PAK3: variants seen among roughly 807,000 people sequenced by gnomAD.
PAK3 encodes the protein serine/threonine-protein kinase PAK 3.
Under a neutral mutation model 41.0 loss-of-function variants are expected in PAK3, and 4 were observed. The observed-to-expected ratio is 0.10, with a 90% CI of 0.05 to 0.22. The LOEUF (loss-of-function observed/expected upper bound fraction) is 0.22. Ranked by LOEUF, PAK3 falls within the 10% of genes least tolerant of loss-of-function variation. The pLI, the probability that PAK3 is intolerant of heterozygous loss-of-function variation, is 1.00. For synonymous variants in PAK3, 146 were observed against 139.6 expected, an observed-to-expected ratio of 1.05 and a Z score of -0.32; for missense variants, 205 against 409.9, an observed-to-expected ratio of 0.50 and a Z score of 4.32.
intron 8 of PAK3, among the ~76,000 whole-genome samples, chrX:111,157,996 A>G (rs2094128684): frequency 8.9e-6 from 1 of 111,865 alleles, no homozygotes; most frequent in African/African-American, 3.2e-5. Context: ...CATTGACTCC[A>G]AAAATGATCA....
chrX:111,202,623 T>C (rs16986428), intron 16 of PAK3, among the ~76,000 whole-genome samples: 15,099 of 111,715 alleles, frequency 0.14, 2,437 homozygotes, highest in African/African-American at 0.45. Context: ...TTATAATAAC[T>C]TGATGCTAAG....
At chrX:110,959,891 A>T (rs7889687) in intron 1 of PAK3, among the ~76,000 whole-genome samples, 3,120 of 111,984 alleles carry the variant, frequency 0.028, 101 homozygotes, top group African/African-American at 0.096. Context: ...TGTTTTTTTT[A>T]AAAAATAAAT....
chrX:110,995,717 C>T (rs953713913), intron 1 of PAK3, among the ~76,000 whole-genome samples: 1 of 111,173 alleles, frequency 9.0e-6, no homozygotes, highest in Non-Finnish European at 1.9e-5. Flanking sequence ...CCTAGAAGAC[C>T]CTGAATAATC....
intron 4 of PAK3, among the ~76,000 whole-genome samples, chrX:111,105,503 A>G (rs906320410): frequency 2.7e-5 from 3 of 110,560 alleles, no homozygotes; most frequent in African/African-American, 1.0e-4. Context: ...TCTTCCTCAC[A>G]GTCACAAACT....
intron 1 of PAK3, among the ~76,000 whole-genome samples, chrX:110,978,749 TTCTC>T (rs1026155474): frequency 1.8e-5 from 2 of 108,281 alleles, no homozygotes; most frequent in Non-Finnish European, 3.8e-5. Flanking sequence ...TCTTCTTTCC[TTCTC>T]TCTCTCTCTC....
chrX:111,177,627 C>T (rs547780428), intron 11 of PAK3, among the ~76,000 whole-genome samples: 6 of 111,911 alleles, frequency 5.4e-5, no homozygotes, highest in African/African-American at 1.6e-4. Flanking sequence ...ATATCCGGTG[C>T]GCACTTGAGA....
intron 11 of PAK3, among the ~76,000 whole-genome samples, chrX:111,187,301 G>C (rs1398430382): frequency 8.9e-6 from 1 of 111,742 alleles, no homozygotes; most frequent in Non-Finnish European, 1.9e-5. Context: ...GATACTTACA[G>C]AGCTTCCTTA....
intron 11 of PAK3, among the ~76,000 whole-genome samples, chrX:111,189,653 A>T (rs1192350372): frequency 9.0e-6 from 1 of 110,920 alleles, no homozygotes; most frequent in Non-Finnish European, 1.9e-5. Context: ...TGTGGTTTTG[A>T]TTTGCATTTC....
intron 1 of PAK3, among the ~76,000 whole-genome samples, chrX:110,965,590 T>C (rs1260085614): frequency 8.9e-6 from 1 of 112,428 alleles, no homozygotes; most frequent in Non-Finnish European, 1.9e-5. Flanking sequence ...GGCAGCCTGA[T>C]ACAGATCTTA....
intron 8 of PAK3, among the ~76,000 whole-genome samples, chrX:111,153,903 T>C (rs1256020521): frequency 8.9e-6 from 1 of 111,774 alleles, no homozygotes; most frequent in Non-Finnish European, 1.9e-5. Context: ...CAAGTGTCCA[T>C]CAACAGATGA....
intron 5 of PAK3, among the ~76,000 whole-genome samples, chrX:111,132,795 T>C (rs1239481660): frequency 1.8e-5 from 2 of 111,849 alleles, no homozygotes; most frequent in Non-Finnish European, 3.8e-5. Context: ...CTACTTTTTA[T>C]GTGCCTAGCT....
At chrX:111,210,433 T>C (rs1044999736) in intron 16 of PAK3, among the ~76,000 whole-genome samples, 1 of 111,436 alleles carries the variant, frequency 9.0e-6, no homozygotes, top group Non-Finnish European at 1.9e-5. Flanking sequence ...TACAGCTCTC[T>C]TCCTTCTCCC....
intron 5 of PAK3, among the ~76,000 whole-genome samples, chrX:111,124,341 T>C (rs913289090): frequency 9.8e-5 from 11 of 112,158 alleles, no homozygotes; most frequent in African/African-American, 3.6e-4. Flanking sequence ...TTTGTGACTA[T>C]GCAAGAGGAA....
chrX:111,014,683 C>G (rs1186065579), intron 1 of PAK3, among the ~76,000 whole-genome samples: 2 of 111,727 alleles, frequency 1.8e-5, no homozygotes, highest in Non-Finnish European at 3.8e-5. Context: ...ACATTCTTTA[C>G]CTTTGCACTG....
chrX:111,148,097 A>T (rs1379525665), intron 7 of PAK3, among the ~76,000 whole-genome samples: 1 of 111,935 alleles, frequency 8.9e-6, no homozygotes. Flanking sequence ...AAAATAAGGT[A>T]ATTATTTAGT....
At chrX:111,192,733 C>A in intron 13 of PAK3, 115 bp downstream of exon 13, 1 of 497,398 alleles carries the variant, frequency 2.0e-6, no homozygotes, top group Non-Finnish European at 3.6e-6. Context: ...TTCTCAAATG[C>A]TACAGTGTAG....
rs185904565 is a variant in PAK3, at chrX:111,181,482, C to G, written c.830+8401C>G. On this transcript the variant is annotated intron_variant, in intron 11 of 17. Coordinates refer to ENST00000372007, the MANE Select transcript of PAK3 (RefSeq NM_002578.5). Reference sequence around the variant, plus strand: ...ATGCGTAATCAAGCCCTCAGTCCCCCCCGTCTCTCTAAATTAGTTTTAGTT... The same window carrying G: ...ATGCGTAATCAAGCCCTCAGTCCCCGCCGTCTCTCTAAATTAGTTTTAGTT... 3.4e-3 allele frequency among the ~76,000 whole-genome samples: 381 copies of G among 111,048 alleles called. 2 individuals carry two copies. The highest frequency in any genetic ancestry group is 0.011 in the African/African-American group (342 of 30,611).
chrX:111,217,622 A>G, intron 17 of PAK3: 1 of 958,265 alleles, frequency 1.0e-6, no homozygotes. Context: ...ACCTATTTGG[A>G]GAAACTGAAG....
chrX:111,070,248 A>G (rs374492881), intron 1 of PAK3, among the ~76,000 whole-genome samples: 1 of 4,674 alleles, frequency 2.1e-4, no homozygotes, highest in African/African-American at 2.3e-4. Context: ...GATCATTTAT[A>G]TGGACAACAG....
Sources: gnomAD v4.1 joint callset for allele counts (sites outside exome capture counted in the v4.1 genomes callset) on GRCh38, gnomAD v4.1.1 for gene constraint, MANE v1.5 for transcripts, NCBI Gene and HGNC (gene_info 2026-07-23, HGNC 2026-07-21) for gene names.